Variants in REV3L observed in about 807,000 individuals in gnomAD.
The protein encoded by REV3L is DNA polymerase zeta catalytic subunit.
REV3L carries 69 observed loss-of-function variants against 299.4 expected under a neutral mutation model. That is an observed-to-expected ratio of 0.23 (90% CI 0.19 to 0.28). REV3L has a LOEUF of 0.28. Among genes scored for constraint, REV3L ranks in the 10% least tolerant of loss-of-function variants. The pLI is 1.00. For synonymous variants in REV3L, 1,238 were observed against 1,271.4 expected, an observed-to-expected ratio of 0.97 and a Z score of 0.56; for missense variants, 3,128 against 3,693.8, an observed-to-expected ratio of 0.85 and a Z score of 3.97.
intron 18 of REV3L, among the ~76,000 whole-genome samples, chr6:111,352,480 T>A (rs1412604931): frequency 1.3e-5 from 2 of 152,102 alleles, no homozygotes; most frequent in Admixed American, 1.3e-4. Flanking sequence ...TGTGTGGGTA[T>A]GGTATTTTGA....
chr6:111,472,505 C>T (rs1405119052), intron 1 of REV3L, among the ~76,000 whole-genome samples: 3 of 151,338 alleles, frequency 2.0e-5, no homozygotes, highest in Non-Finnish European at 4.4e-5. Flanking sequence ...TAAATAACTG[C>T]CCCAAAGTAA....
chr6:111,451,136 G>A (rs1789490794), intron 1 of REV3L, among the ~76,000 whole-genome samples: 1 of 152,164 alleles, frequency 6.6e-6, no homozygotes, highest in Admixed American at 6.5e-5. Context: ...ATTGCCAGAG[G>A]TCATAGAAGA....
chr6:111,335,207 A>T (rs1220611990), intron 22 of REV3L, among the ~76,000 whole-genome samples: 5 of 152,170 alleles, frequency 3.3e-5, no homozygotes, highest in African/African-American at 1.2e-4. Context: ...TCTAGTTTTA[A>T]GGGACATCTT....
chr6:111,360,596 T>C (rs544499905), intron 16 of REV3L: 7 of 151,464 alleles, frequency 4.6e-5, no homozygotes. Context: ...TCACTTCAGC[T>C]TTCCTACTAG....
chr6:111,397,762 G>A (rs1411638615), intron 4 of REV3L, among the ~76,000 whole-genome samples: 3 of 151,774 alleles, frequency 2.0e-5, no homozygotes, highest in Non-Finnish European at 2.9e-5. Flanking sequence ...TCAGCCTCCT[G>A]AGTAGCTGAG....
At chr6:111,328,618 C>T (rs1191536459) in intron 25 of REV3L, among the ~76,000 whole-genome samples, 8 of 152,084 alleles carry the variant, frequency 5.3e-5, no homozygotes, top group Non-Finnish European at 2.9e-5. Flanking sequence ...ACAGAGGTAT[C>T]TTATAGAGAA....
At chr6:111,477,217 T>C (rs763369717) in intron 1 of REV3L, among the ~76,000 whole-genome samples, 6 of 152,224 alleles carry the variant, frequency 3.9e-5, no homozygotes, top group Non-Finnish European at 7.3e-5. Context: ...CTGTGATGAT[T>C]ATCATCTATT....
At chr6:111,311,599 T>G (rs1225223357) in intron 28 of REV3L, 1 of 162,590 alleles carries the variant, frequency 6.2e-6, no homozygotes, top group African/African-American at 2.4e-5. Flanking sequence ...AGACACGATT[T>G]CATGTATTGT....
Position 111,376,636 on chromosome 6 carries a change from A to T in REV3L, c.1719T>A (p.Ala573=). The stretch of plus-strand genomic sequence containing the variant: ...TGTGTTTACACTGAAAGGTAATCTT[A>T]GCAGAAGATGAGGGTTCTAATGTAG... ...DAATLEPSSS[A]KITFQCKHTS... The change falls in exon 13 of 32, where the codon GCT becomes GCA. Residue 573 remains alanine, a synonymous_variant. Coordinates refer to ENST00000368802, the MANE Select transcript of REV3L (RefSeq NM_001372078.1). 6.2e-7 allele frequency: 1 copy of T among 1,613,118 alleles called. No homozygotes were observed. The highest frequency in any genetic ancestry group is 8.5e-7 in the Non-Finnish European group (1 of 1,179,886).
At chr6:111,482,193 T>A (rs1051638932) in intron 1 of REV3L, among the ~76,000 whole-genome samples, 3 of 152,054 alleles carry the variant, frequency 2.0e-5, no homozygotes, top group Non-Finnish European at 4.4e-5. Context: ...TGAGAAAGAT[T>A]ATCTGGCCCC....
At chr6:111,401,920 T>A (rs1307662212) in intron 4 of REV3L, among the ~76,000 whole-genome samples, 1 of 152,002 alleles carries the variant, frequency 6.6e-6, no homozygotes, top group Non-Finnish European at 1.5e-5. Context: ...GAGACCAGCC[T>A]GAGCAACATG....
At chr6:111,306,756 A>G (rs1359138497) in intron 31 of REV3L, among the ~76,000 whole-genome samples, 1 of 152,214 alleles carries the variant, frequency 6.6e-6, no homozygotes, top group Admixed American at 6.5e-5. Flanking sequence ...CAAGTTTACT[A>G]GCAAGCAATT....
At chr6:111,433,608 TA>T (rs1206158058) in intron 1 of REV3L, among the ~76,000 whole-genome samples, 1 of 152,188 alleles carries the variant, frequency 6.6e-6, no homozygotes, top group Non-Finnish European at 1.5e-5. Context: ...GCTTCATTCC[TA>T]AATTCCATCA....
rs1781647361 is a variant in REV3L at position 111,389,175 on chromosome 6, A to G, written c.793T>C (p.Trp265Arg). The change falls in exon 7 of 32, where the codon TGG (tryptophan) becomes CGG (arginine). Residue 265 changes from tryptophan to arginine, a missense_variant. Physicochemically the swap from Trp to Arg is moderately radical, Grantham distance 101. Transcript: ENST00000368802. ...CTTCGCCGTTGCTTTTCATCTTCCC[A>G]TATGGCCTGTAGACCAGGGTTTCCA... ...IGGNPGLQAI[W>R]EDEKQRRRNR... 15 of 1,613,930 alleles carry G rather than the reference A, an allele frequency of 9.3e-6. No individual in the cohort carries two copies. The highest frequency in any genetic ancestry group is 1.3e-5 in the Non-Finnish European group (15 of 1,179,892).
chr6:111,361,833 TC>T (rs903344522), intron 16 of REV3L, among the ~76,000 whole-genome samples: 6 of 152,208 alleles, frequency 3.9e-5, no homozygotes, highest in Middle Eastern at 3.4e-3. Context: ...TTTGGTTTAT[TC>T]CCTGTTTCAA....
intron 31 of REV3L, among the ~76,000 whole-genome samples, chr6:111,302,348 A>C (rs1191369006): frequency 6.6e-6 from 1 of 152,212 alleles, no homozygotes; most frequent in Admixed American, 6.5e-5. Flanking sequence ...ACAAACTGAT[A>C]AATATTTAAG....
At chr6:111,445,129 T>G (rs1025347284) in intron 1 of REV3L, among the ~76,000 whole-genome samples, 3 of 152,150 alleles carry the variant, frequency 2.0e-5, no homozygotes, top group South Asian at 2.1e-4. Context: ...AACAAAAACT[T>G]TTGGGGTCCA....
chr6:111,421,547 A>G (rs1582924163), intron 1 of REV3L, among the ~76,000 whole-genome samples: 1 of 152,200 alleles, frequency 6.6e-6, no homozygotes, highest in Admixed American at 6.5e-5. Context: ...GCCCATGGAT[A>G]GTAGTTTGCC....
At chr6:111,400,969 T>A (rs1012649123) in intron 4 of REV3L, among the ~76,000 whole-genome samples, 5 of 152,204 alleles carry the variant, frequency 3.3e-5, no homozygotes, top group African/African-American at 1.2e-4. Context: ...CATCCAATTA[T>A]CCCAGCACTA....
Sources: gnomAD v4.1 joint callset for allele counts (sites outside exome capture counted in the v4.1 genomes callset) on GRCh38, gnomAD v4.1.1 for gene constraint, MANE v1.5 for transcripts, NCBI Gene and HGNC (gene_info 2026-07-23, HGNC 2026-07-21) for gene names.